PCP4L1: variants seen among roughly 807,000 people sequenced by gnomAD.
PCP4L1 encodes Purkinje cell protein 4-like protein 1.
Under a neutral mutation model 9.6 loss-of-function variants are expected in PCP4L1, and 9 were observed. The observed-to-expected ratio is 0.94, with a 90% CI of 0.57 to 1.64. The LOEUF is 1.64. PCP4L1 is among the 40% of genes most tolerant of loss of function. The pLI is 0.00. For synonymous variants in PCP4L1, 31 were observed against 28.2 expected (o/e 1.10, Z -0.31); for missense variants, 81 against 80.8 (o/e 1.00, Z -0.01).
chr1:161,273,576 G>A (rs1321392896), intron 1 of PCP4L1, among the ~76,000 whole-genome samples: 2 of 152,148 alleles, frequency 1.3e-5, no homozygotes, highest in African/African-American at 4.8e-5. Context: ...CCAGTAGAAT[G>A]ATCCTACACA....
chr1:161,262,453 A>AAAG (rs1553256895), intron 1 of PCP4L1, among the ~76,000 whole-genome samples: 52 of 148,652 alleles, frequency 3.5e-4, no homozygotes, highest in African/African-American at 1.4e-3. Flanking sequence ...AAAAAAAAAA[A>AAAG]AAAGAAATGC....
intron 1 of PCP4L1, among the ~76,000 whole-genome samples, chr1:161,277,460 C>T (rs1669717828): frequency 6.6e-6 from 1 of 151,756 alleles, no homozygotes; most frequent in Non-Finnish European, 1.5e-5. Context: ...TTTTCCTTAA[C>T]TATAAAATAG....
intron 1 of PCP4L1, among the ~76,000 whole-genome samples, chr1:161,275,539 C>CA (rs1669685549): frequency 1.4e-5 from 2 of 142,898 alleles, no homozygotes; most frequent in South Asian, 2.2e-4. Context: ...AAAAAAGAAT[C>CA]AGAGTCCAGA....
chr1:161,270,569 C>CAAAAAAA lies in PCP4L1; in HGVS notation c.9+11591_9+11597dup, dbSNP rs10530356. ...ACCCTTATAAAAGAGACCCCAGGCT[C>CAAAAAAA]AAAAAAAAAAAGAGAGACCCCAGGC... On this transcript the variant is annotated intron_variant, in intron 1 of 2. Coordinates refer to ENST00000504449, the MANE Select transcript of PCP4L1 (RefSeq NM_001102566.2). 1.1e-4 allele frequency among the ~76,000 whole-genome samples: 13 copies of CAAAAAAA among 116,582 alleles called. 2 individuals carry two copies. Among genetic ancestry groups the CAAAAAAA allele is most frequent in the East Asian group, 5.2e-4 (2 of 3,814 alleles). 76.5% of individuals were successfully genotyped at this position (116,582 alleles called of 152,430 possible).
intron 1 of PCP4L1, among the ~76,000 whole-genome samples, chr1:161,262,340 A>G (rs950383597): frequency 2.7e-5 from 4 of 146,892 alleles, no homozygotes; most frequent in African/African-American, 1.0e-4. Context: ...AGGCTGAGGC[A>G]GGAGAATGGC....
In PCP4L1 at chr1:161,284,486, C is replaced by A. The variant is rs756714736; in HGVS notation, c.*5C>A. 1 of 1,610,976 alleles carries A rather than the reference C, an allele frequency of 6.2e-7. No individual in the cohort carries two copies. Among genetic ancestry groups the A allele is most frequent in the Non-Finnish European group, 8.5e-7 (1 of 1,178,526 alleles). Reference sequence around the variant, plus strand: ...AAAAAGGATCCCAGCTCCTGAATGGCCAGGCTTGCCCTTCACCTTCACCTT... The same window carrying A: ...AAAAAGGATCCCAGCTCCTGAATGGACAGGCTTGCCCTTCACCTTCACCTT... On this transcript the variant is annotated 3_prime_UTR_variant, in exon 3 of 3. Coordinates refer to ENST00000504449, the MANE Select transcript of PCP4L1 (RefSeq NM_001102566.2).
At chr1:161,263,092 T>C (rs1037473478) in intron 1 of PCP4L1, among the ~76,000 whole-genome samples, 2 of 152,216 alleles carry the variant, frequency 1.3e-5, no homozygotes, top group Non-Finnish European at 2.9e-5. Flanking sequence ...GTGAGAAAAC[T>C]GGGGCCCAAA....
At chr1:161,279,406 G>T (rs1558145929) in intron 1 of PCP4L1, among the ~76,000 whole-genome samples, 1 of 152,198 alleles carries the variant, frequency 6.6e-6, no homozygotes, top group Non-Finnish European at 1.5e-5. Context: ...TTTGTTGAAT[G>T]AATCTTTTGC....
At chr1:161,278,236 T>C (rs1486765725) in intron 1 of PCP4L1, among the ~76,000 whole-genome samples, 1 of 152,158 alleles carries the variant, frequency 6.6e-6, no homozygotes, top group African/African-American at 2.4e-5. Context: ...CTGAAAAATA[T>C]ACAGGCAGAT....
At chr1:161,275,660 G>T (rs1166749736) in intron 1 of PCP4L1, among the ~76,000 whole-genome samples, 1 of 152,074 alleles carries the variant, frequency 6.6e-6, no homozygotes, top group Admixed American at 6.6e-5. Flanking sequence ...CAGAGTCCGA[G>T]ATTTACTGGC....
rs184094844 is a variant in PCP4L1, at chr1:161,260,383, G to A, written c.9+1400G>A. 2.6e-3 allele frequency among the ~76,000 whole-genome samples: 390 copies of A among 152,186 alleles called. 1 individual carries two copies. Among genetic ancestry groups the A allele is most frequent in the African/African-American group, 8.9e-3 (371 of 41,536 alleles). The stretch of plus-strand genomic sequence containing the variant: ...TGATGGCAATCTTTCAGAAAGAAAA[G>A]AAAAAAACGCATCAACCTCCTCTTT... On this transcript the variant is annotated intron_variant, in intron 1 of 2. Coordinates refer to ENST00000504449, the MANE Select transcript of PCP4L1 (RefSeq NM_001102566.2).
At chr1:161,264,478 C>A (rs3123551) in intron 1 of PCP4L1, among the ~76,000 whole-genome samples, 1 of 152,070 alleles carries the variant, frequency 6.6e-6, no homozygotes, top group Non-Finnish European at 1.5e-5. Flanking sequence ...GATAGCACCA[C>A]TGCACTCCAG....
At chr1:161,278,269 TTG>T (rs1669735080) in intron 1 of PCP4L1, among the ~76,000 whole-genome samples, 1 of 152,130 alleles carries the variant, frequency 6.6e-6, no homozygotes, top group South Asian at 2.1e-4. Flanking sequence ...ACCATGAAAC[TTG>T]TCTCAAGTCT....
In PCP4L1 at chr1:161,284,744, T is replaced by C. The variant is rs2102245228; in HGVS notation, c.*263T>C. 2.0e-6 allele frequency: 1 copy of C among 490,896 alleles called. No homozygotes were observed. 30.4% of individuals were successfully genotyped at this position (490,896 alleles called of 1,614,324 possible). ...TATAAGGTTCTTTGATCAGTAGCTA[T>C]GCCTGCCCTGTAGGGCTAAACAAGA... On this transcript the variant is annotated 3_prime_UTR_variant, in exon 3 of 3. Coordinates refer to ENST00000504449, the MANE Select transcript of PCP4L1 (RefSeq NM_001102566.2).
At chr1:161,270,030 C>G (rs1041913091) in intron 1 of PCP4L1, among the ~76,000 whole-genome samples, 2 of 146,696 alleles carry the variant, frequency 1.4e-5, no homozygotes, top group African/African-American at 5.0e-5. Flanking sequence ...GGCGTGGTGG[C>G]TCACGCCTGT....
chr1:161,262,684 G>T (rs182866748), intron 1 of PCP4L1, among the ~76,000 whole-genome samples: 1 of 152,104 alleles, frequency 6.6e-6, no homozygotes, highest in African/African-American at 2.4e-5. Context: ...TCTTTATAGG[G>T]TCAGGCAGCC....
chr1:161,284,309 C>T (rs893566938), intron 2 of PCP4L1, 30 bp from the exon 3 acceptor site: 2 of 1,613,954 alleles, frequency 1.2e-6, no homozygotes, highest in Non-Finnish European at 1.7e-6. Context: ...GTCAGATTAA[C>T]TCATTAATGA....
intron 1 of PCP4L1, among the ~76,000 whole-genome samples, chr1:161,265,443 G>C (rs115452633): frequency 0.026 from 3,904 of 152,102 alleles, 160 homozygotes; most frequent in African/African-American, 0.09. Flanking sequence ...GGTGGTGCTT[G>C]AGTCCAGGAG....
chr1:161,284,683 A>T lies in PCP4L1; in HGVS notation c.*202A>T, dbSNP rs943125209. 3.0e-6 allele frequency: 2 copies of T among 669,918 alleles called. No homozygotes were observed. Among genetic ancestry groups the T allele is most frequent in the Non-Finnish European group, 5.1e-6 (2 of 394,216 alleles). 41.5% of individuals were successfully genotyped at this position (669,918 alleles called of 1,614,324 possible). ...GGAGAAGATGAAGACTTCAATCAGC[A>T]GTCACTAGTCTAAGGGTGGAACAAT... On this transcript the variant is annotated 3_prime_UTR_variant, in exon 3 of 3. Coordinates refer to ENST00000504449, the MANE Select transcript of PCP4L1 (RefSeq NM_001102566.2).
Sources: gnomAD v4.1 joint callset for allele counts (sites outside exome capture counted in the v4.1 genomes callset) on GRCh38, gnomAD v4.1.1 for gene constraint, MANE v1.5 for transcripts, NCBI Gene and HGNC (gene_info 2026-07-23, HGNC 2026-07-21) for gene names.